Variants in RNPC3 observed in about 807,000 individuals in gnomAD.
RNPC3 encodes the protein RNA-binding region-containing protein 3.
A neutral mutation model predicts 67.5 loss-of-function variants in RNPC3; 48 were observed. The observed-to-expected ratio is 0.71, with a 90% CI of 0.56 to 0.90. RNPC3 has a LOEUF of 0.90. Ranked by LOEUF, RNPC3 falls within the 40% of genes least tolerant of loss-of-function variation. The pLI is 0.00. For synonymous variants in RNPC3, 239 were observed against 210.3 expected (o/e 1.14, Z -1.18); for missense variants, 637 against 626.1 (o/e 1.02, Z -0.19).
At chr1:103,540,429 A>G (rs546791663) in intron 7 of RNPC3, among the ~76,000 whole-genome samples, 1 of 152,304 alleles carries the variant, frequency 6.6e-6, no homozygotes, top group East Asian at 1.9e-4. Context: ...GCCAATAATT[A>G]CTGAATATAT....
At chr1:103,553,480 T>G (rs1173264133) in intron 14 of RNPC3, 1 of 152,226 alleles carries the variant, frequency 6.6e-6, no homozygotes, top group Non-Finnish European at 1.5e-5. Context: ...AACAGATCTT[T>G]TATGTGTTTT....
chr1:103,541,686 A>G (rs1045407908), intron 8 of RNPC3, among the ~76,000 whole-genome samples: 1 of 152,086 alleles, frequency 6.6e-6, no homozygotes, highest in Non-Finnish European at 1.5e-5. Flanking sequence ...ATTTGCTTCC[A>G]GCTTCCTGTC....
intron 1 of RNPC3, among the ~76,000 whole-genome samples, chr1:103,527,143 C>G (rs1361788986): frequency 6.6e-6 from 1 of 152,170 alleles, no homozygotes; most frequent in Non-Finnish European, 1.5e-5. Context: ...GACCAGAGCT[C>G]TTCCTTAGCA....
chr1:103,543,688 G>A, intron 9 of RNPC3, among the ~76,000 whole-genome samples: 1 of 151,574 alleles, frequency 6.6e-6, no homozygotes, highest in East Asian at 1.9e-4. Flanking sequence ...GAAATTTAGT[G>A]CTTTTTGCTG....
chr1:103,531,424 C>T (rs1370838749), intron 2 of RNPC3, among the ~76,000 whole-genome samples: 1 of 152,172 alleles, frequency 6.6e-6, no homozygotes. Context: ...GGAATCTCCA[C>T]ACTATTTTTC....
rs919150293 is a variant in RNPC3, at chr1:103,526,765, A to G, written c.192+503A>G. On this transcript the variant is annotated intron_variant, in intron 1 of 14. Coordinates refer to ENST00000423855, the MANE Select transcript of RNPC3 (RefSeq NM_017619.4). Reference sequence around the variant, plus strand: ...CTTTTCATAAAAATTTCCCGATGACATCTTTTAGGGAACAATTTTTTAGGG... The same window carrying G: ...CTTTTCATAAAAATTTCCCGATGACGTCTTTTAGGGAACAATTTTTTAGGG... Among the ~76,000 whole-genome samples, 6 of 152,242 alleles carry G rather than the reference A, an allele frequency of 3.9e-5. No individual in the cohort carries two copies. In the South Asian group the frequency reaches 8.3e-4, roughly 21 times the overall value.
chr1:103,543,185 G>A (rs529673315), intron 8 of RNPC3, 111 bp from the exon 9 acceptor site: 17 of 703,252 alleles, frequency 2.4e-5, no homozygotes, highest in Non-Finnish European at 3.5e-5. Flanking sequence ...CAAAAGTGTA[G>A]TGAGTCCTTT....
intron 9 of RNPC3, among the ~76,000 whole-genome samples, chr1:103,543,831 G>A (rs1353239280): frequency 6.6e-6 from 1 of 151,648 alleles, no homozygotes; most frequent in Non-Finnish European, 1.5e-5. Flanking sequence ...ACTATTTTGT[G>A]AGTTGTAGAC....
chr1:103,526,229 G>C lies in RNPC3; in HGVS notation c.159G>C (p.Gln53His). ...KEDLLKYFGAQSVRVLSDKGR... is the reference protein window; with the variant it reads ...KEDLLKYFGAHSVRVLSDKGR... ...ACTTGCTGAAGTACTTCGGGGCTCA[G>C]TCTGTGCGGGTCCTGTCAGATAAGG... The change falls in exon 1 of 15, where the codon CAG becomes CAC. Residue 53 changes from glutamine (Q) to histidine (H), a missense_variant. Gln to His is a conservative substitution (Grantham distance 24). Around this residue, in one of 3 missense-constraint regions of RNPC3, gnomAD observed 536 missense variants for 500.3 expected, o/e 1.07. Transcript: ENST00000423855. 1.9e-6 allele frequency: 3 copies of C among 1,551,018 alleles called. No homozygotes were observed. The highest frequency in any genetic ancestry group is 2.6e-6 in the Non-Finnish European group (3 of 1,146,694).
chr1:103,537,501 A>T lies in RNPC3; in HGVS notation c.767+17A>T. The T allele has an allele frequency of 6.5e-7, 1 of 1,527,834 alleles. No homozygotes were observed. Among genetic ancestry groups the T allele is most frequent in the Non-Finnish European group, 8.8e-7 (1 of 1,141,958 alleles). 94.6% of individuals were successfully genotyped at this position (1,527,834 alleles called of 1,614,324 possible). A position where few individuals can be genotyped will look rare whatever the true frequency, so the allele number is the denominator to read the frequency against. ...CCGACAGAGGTTTGTAACATGAAAA[A>T]TTTGTTTAGTTTCCAAGAAACATAG... is the stretch of plus-strand genomic sequence containing the variant. On this transcript the variant is annotated intron_variant, in intron 7 of 14. Coordinates refer to ENST00000423855, the MANE Select transcript of RNPC3 (RefSeq NM_017619.4).
intron 9 of RNPC3, 56 bp from the exon 10 acceptor site, chr1:103,544,885 A>C: frequency 8.2e-7 from 1 of 1,221,262 alleles, no homozygotes; most frequent in Admixed American, 2.9e-5. Flanking sequence ...TGGGGACCCA[A>C]AAACTATTTT....
chr1:103,530,750 TC>T (rs1650829510), intron 2 of RNPC3, among the ~76,000 whole-genome samples: 1 of 152,064 alleles, frequency 6.6e-6, no homozygotes, highest in Non-Finnish European at 1.5e-5. Flanking sequence ...TTGTGGTAAT[TC>T]AGTCCAGAAT....
chr1:103,550,448 T>C (rs1651359752), intron 12 of RNPC3, among the ~76,000 whole-genome samples: 2 of 151,902 alleles, frequency 1.3e-5, no homozygotes, highest in South Asian at 4.1e-4. Flanking sequence ...GAGACCATCC[T>C]GACTAACACG....
intron 12 of RNPC3, among the ~76,000 whole-genome samples, chr1:103,549,651 A>G (rs775870602): frequency 6.6e-6 from 1 of 152,116 alleles, no homozygotes; most frequent in Non-Finnish European, 1.5e-5. Context: ...TTTGACTATG[A>G]TTTTCTCTCA....
At chr1:103,545,532 A>G (rs1320860891) in intron 10 of RNPC3, 1 of 153,868 alleles carries the variant, frequency 6.5e-6, no homozygotes, top group Non-Finnish European at 1.4e-5. Flanking sequence ...ATAATTTTCT[A>G]CTTCTCAAAG....
chr1:103,530,135 CA>C (rs1650814405), intron 2 of RNPC3, among the ~76,000 whole-genome samples: 1 of 146,690 alleles, frequency 6.8e-6, no homozygotes, highest in Admixed American at 7.1e-5. Context: ...TTCATGTGTT[CA>C]AAAATATTAA....
At chr1:103,537,733 G>A (rs1385318952) in intron 7 of RNPC3, among the ~76,000 whole-genome samples, 1 of 152,074 alleles carries the variant, frequency 6.6e-6, no homozygotes, top group African/African-American at 2.4e-5. Context: ...GTATTATAAA[G>A]TACGTTCGAG....
chr1:103,533,816 T>G lies in RNPC3; in HGVS notation c.318T>G (p.Val106=). ...AATTTGCAAAAGAGCAAGATCGAGTTCACTCCCCATGTCCCACTTCAGGCT... is the reference window on the plus strand; with the variant it reads ...AATTTGCAAAAGAGCAAGATCGAGTGCACTCCCCATGTCCCACTTCAGGCT... ...VVEFAKEQDR[V]HSPCPTSGSE... Residue 106 remains valine (V), a synonymous_variant, in exon 3 of 15, where the codon GTT becomes GTG. Coordinates refer to ENST00000423855, the MANE Select transcript of RNPC3 (RefSeq NM_017619.4). 6.5e-7 allele frequency: 1 copy of G among 1,533,714 alleles called. No individual in the cohort carries two copies. The highest frequency in any genetic ancestry group is 8.7e-7 in the Non-Finnish European group (1 of 1,144,084).
In RNPC3 at chr1:103,541,403, T is replaced by C; in HGVS notation, c.821T>C (p.Ile274Thr). The change falls in exon 8 of 15, where the codon ATA becomes ACA. Residue 274 changes from isoleucine to threonine, a missense_variant. By Grantham distance (89) the Ile-to-Thr change is moderately conservative (BLOSUM62 -1). Transcript: ENST00000423855. ...CTTCAGCCCAAAAGACCTAAAACAA[T>C]AAAGCAGCGCCATGTGAGAAAAAAG... ...ANLQPKRPKT[I>T]KQRHVRKKRK... 2 of 1,507,200 alleles carry C rather than the reference T, an allele frequency of 1.3e-6. No individual in the cohort carries two copies. The highest frequency in any genetic ancestry group is 1.8e-6 in the Non-Finnish European group (2 of 1,136,596). The allele number at this position is 1,507,200 out of a possible 1,614,324, so 93.4% of individuals were successfully genotyped here.
Sources: gnomAD v4.1 joint callset for allele counts (sites outside exome capture counted in the v4.1 genomes callset) on GRCh38, gnomAD v4.1.1 for gene constraint, gnomAD v4.1.1 regional missense constraint, MANE v1.5 for transcripts, NCBI Gene and HGNC (gene_info 2026-07-23, HGNC 2026-07-21) for gene names.